RBM18: variants seen among roughly 807,000 people sequenced by gnomAD.
The protein encoded by RBM18 is probable RNA-binding protein 18.
Under a neutral mutation model 26.4 loss-of-function variants are expected in RBM18, and 18 were observed. The ratio of observed to expected loss-of-function variants is 0.68; its 90% CI spans 0.47 to 1.01. The LOEUF (loss-of-function observed/expected upper bound fraction) is 1.01. RBM18 is among the 50% of genes least tolerant of loss of function. The pLI, the probability that RBM18 is intolerant of heterozygous loss-of-function variation, is 0.00. For missense variants in RBM18, 180 were observed against 219.2 expected, an observed-to-expected ratio of 0.82 and a Z score of 1.13; for synonymous variants, 74 against 81.1, an observed-to-expected ratio of 0.91 and a Z score of 0.47.
rs188311781 is a variant in RBM18 at position 122,262,000 on chromosome 9, A to G, written c.-16-492T>C. ...GAGGCAATATAAGAAATCTGTGCGT[A>G]GACAGAACTGGGTTTGAAAGCAGGT... On this transcript the variant is annotated intron_variant, in intron 1 of 5. Coordinates refer to ENST00000417201, the MANE Select transcript of RBM18 (RefSeq NM_033117.4). Among the ~76,000 whole-genome samples, 11 of 152,202 alleles carry G rather than the reference A, an allele frequency of 7.2e-5. No individual in the cohort carries two copies. In the East Asian group the frequency reaches 2.1e-3, roughly 29 times the overall value.
intron 3 of RBM18, among the ~76,000 whole-genome samples, chr9:122,249,692 A>G (rs1221174115): frequency 1.3e-5 from 2 of 151,350 alleles, no homozygotes; most frequent in African/African-American, 2.4e-5. Context: ...CTGGATGACA[A>G]AGAGAGACCC....
chr9:122,246,957 G>A (rs890012430), intron 4 of RBM18, among the ~76,000 whole-genome samples: 8 of 152,020 alleles, frequency 5.3e-5, no homozygotes, highest in African/African-American at 1.9e-4. Context: ...TCTCCCAGGA[G>A]ACTAATTACA....
intron 5 of RBM18, chr9:122,243,947 A>G: frequency 2.5e-6 from 2 of 791,848 alleles, no homozygotes; most frequent in Non-Finnish European, 1.5e-6. Context: ...AACTAAAGAC[A>G]TGTTCATTGT....
Position 122,239,156 on chromosome 9 carries a change from GAGAC to G in RBM18, c.*2724_*2727del, listed in dbSNP as rs1331355436. The G allele has an allele frequency of 2.0e-5, 3 of 152,158 alleles. No individual in the cohort carries two copies. The highest frequency in any genetic ancestry group is 2.9e-5 in the Non-Finnish European group (2 of 68,028). 9.4% of individuals were successfully genotyped at this position (152,158 alleles called of 1,614,324 possible). A position where few individuals can be genotyped will look rare whatever the true frequency, so the allele number is the denominator to read the frequency against. On this transcript the variant is annotated 3_prime_UTR_variant, in exon 6 of 6. Coordinates refer to ENST00000417201, the MANE Select transcript of RBM18 (RefSeq NM_033117.4). ...AAACTGTGCATATCTTAATAAACAAGAGACAGAGCTGCAGAATACCTGGTTTCAT... is the reference window on the plus strand; with the variant it reads ...AAACTGTGCATATCTTAATAAACAAGAGAGCTGCAGAATACCTGGTTTCAT...
At position 122,239,470 on chromosome 9, in the gene RBM18, C is replaced by G. The variant is rs34994133; in HGVS notation, c.*2414G>C. On this transcript the variant is annotated 3_prime_UTR_variant, in exon 6 of 6. Coordinates refer to ENST00000417201, the MANE Select transcript of RBM18 (RefSeq NM_033117.4). ...ATTGAGATGAAGAAAATAGTTCATA[C>G]GTCTCTCCTCAGTATTTCCTTCAAT... The G allele has an allele frequency of 6.6e-6, 1 of 152,164 alleles. No individual in the cohort carries two copies. The highest frequency in any genetic ancestry group is 1.5e-5 in the Non-Finnish European group (1 of 68,020). 9.4% of individuals were successfully genotyped at this position (152,164 alleles called of 1,614,324 possible).
At chr9:122,252,091 C>A in intron 2 of RBM18, 118 bp from the exon 3 acceptor site, 2 of 1,310,898 alleles carry the variant, frequency 1.5e-6, no homozygotes, top group Middle Eastern at 2.2e-4. Flanking sequence ...TCGCCCCAGC[C>A]CCCTGCCTTC....
Position 122,241,892 on chromosome 9 carries a change from G to A in RBM18, c.565C>T (p.Arg189Ter), listed in dbSNP as rs754184979. The A allele has an allele frequency of 3.7e-6, 6 of 1,611,000 alleles. No individual in the cohort carries two copies. The highest frequency in any genetic ancestry group is 4.5e-5 in the East Asian group (2 of 44,868). Reference sequence around the variant, plus strand: ...ACAGTAATTCACAACCATCATCTTCGAGATTTCCATGCTGTTCTAGAATAT... The same window carrying A: ...ACAGTAATTCACAACCATCATCTTCAAGATTTCCATGCTGTTCTAGAATAT... ...TPYSRTAWKS[R>*]R The change falls in exon 6 of 6, where the codon CGA (arginine) becomes TGA (stop). Residue 189 changes from arginine to a stop codon, truncating the protein, a stop_gained. Coordinates refer to ENST00000417201, the MANE Select transcript of RBM18 (RefSeq NM_033117.4). LOFTEE classifies it high-confidence loss of function.
At chr9:122,245,748 T>A (rs1280406457) in intron 4 of RBM18, among the ~76,000 whole-genome samples, 2 of 151,764 alleles carry the variant, frequency 1.3e-5, no homozygotes, top group Non-Finnish European at 2.9e-5. Context: ...GAGGCCAAGG[T>A]GGGCAGATTG....
chr9:122,247,640 G>C (rs372801429), intron 3 of RBM18, 36 bp from the exon 4 acceptor site: 22 of 1,508,488 alleles, frequency 1.5e-5, no homozygotes, highest in Non-Finnish European at 2.0e-5. Context: ...GTTAAAAACT[G>C]AAATGCTTAA....
At chr9:122,245,116 G>A (rs958283553) in intron 5 of RBM18, 140 bp downstream of exon 5, 3 of 624,758 alleles carry the variant, frequency 4.8e-6, no homozygotes, top group Non-Finnish European at 8.6e-6. Flanking sequence ...ATACATTCTG[G>A]AGACTAACTG....
chr9:122,250,657 A>G (rs1036004567), intron 3 of RBM18, among the ~76,000 whole-genome samples: 1 of 152,172 alleles, frequency 6.6e-6, no homozygotes, highest in African/African-American at 2.4e-5. Context: ...TGGTAGAAAA[A>G]TTTTAGTATA....
At chr9:122,260,512 T>G (rs1831773792) in intron 2 of RBM18, among the ~76,000 whole-genome samples, 1 of 152,212 alleles carries the variant, frequency 6.6e-6, no homozygotes, top group Non-Finnish European at 1.5e-5. Flanking sequence ...AAATTCCTTT[T>G]CATCTTAATG....
intron 2 of RBM18, among the ~76,000 whole-genome samples, chr9:122,259,141 GA>G (rs759169748): frequency 6.6e-6 from 1 of 151,936 alleles, no homozygotes; most frequent in Non-Finnish European, 1.5e-5. Context: ...TGTTCTAATT[GA>G]AAAAAACATC....
intron 1 of RBM18, among the ~76,000 whole-genome samples, chr9:122,261,980 A>C (rs762752904): frequency 3.9e-5 from 6 of 152,062 alleles, no homozygotes; most frequent in Non-Finnish European, 7.4e-5. Flanking sequence ...GAGAAGAGGC[A>C]ATATAAGAAA....
rs557417237 is a variant in RBM18, at chr9:122,239,615, C to T, written c.*2269G>A. 1 of 152,300 alleles carries T rather than the reference C, an allele frequency of 6.6e-6. No homozygotes were observed. The highest frequency in any genetic ancestry group is 2.4e-5 in the African/African-American group (1 of 41,550). The allele number at this position is 152,300 out of a possible 1,614,324, so 9.4% of individuals were successfully genotyped here. A position where few individuals can be genotyped will look rare whatever the true frequency, so the allele number is the denominator to read the frequency against. On this transcript the variant is annotated 3_prime_UTR_variant, in exon 6 of 6. Transcript: ENST00000417201. The stretch of plus-strand genomic sequence containing the variant: ...AGACAACCTCCTAACAAAGAGTTGA[C>T]CAAGTTAACACCTGAAATTTAAAAA...
At position 122,248,935 on chromosome 9, in the gene RBM18, A is replaced by T. The variant is rs183923694; in HGVS notation, c.241-1331T>A. On this transcript the variant is annotated intron_variant, in intron 3 of 5. Transcript: ENST00000417201. ...AATATTTACTGAGTTCTCACTGTGTAGTAGGCATTGGATATTCACTAATCA... is the reference window on the plus strand; with the variant it reads ...AATATTTACTGAGTTCTCACTGTGTTGTAGGCATTGGATATTCACTAATCA... 2.8e-3 allele frequency among the ~76,000 whole-genome samples: 426 copies of T among 152,336 alleles called. 10 individuals carry two copies. The highest frequency in any genetic ancestry group is 7.5e-4 in the Non-Finnish European group (51 of 68,030).
At chr9:122,252,898 G>A (rs1831626490) in intron 2 of RBM18, among the ~76,000 whole-genome samples, 1 of 152,202 alleles carries the variant, frequency 6.6e-6, no homozygotes, top group Non-Finnish European at 1.5e-5. Flanking sequence ...TCAAACAGAT[G>A]TGGCCTTAAC....
rs188375101 is a variant in RBM18, at chr9:122,237,996, T to C, written c.*3888A>G. 6.6e-6 allele frequency: 1 copy of C among 152,230 alleles called. No individual in the cohort carries two copies. Among genetic ancestry groups the C allele is most frequent in the African/African-American group, 2.4e-5 (1 of 41,462 alleles). 9.4% of individuals were successfully genotyped at this position (152,230 alleles called of 1,614,324 possible). ...AAAATCATTCTTAACTTGTAGGCTA[T>C]ACAAAATTAGGAGGCAGAGGCCAGT... On this transcript the variant is annotated 3_prime_UTR_variant, in exon 6 of 6. Transcript: ENST00000417201.
At chr9:122,244,824 G>C (rs1395441890) in intron 5 of RBM18, among the ~76,000 whole-genome samples, 4 of 152,148 alleles carry the variant, frequency 2.6e-5, no homozygotes, top group Admixed American at 2.0e-4. Context: ...AACCAAAACT[G>C]TTATGGCTGT....
Sources: allele counts gnomAD v4.1 joint callset (sites outside exome capture counted in the v4.1 genomes callset), GRCh38; gene constraint gnomAD v4.1.1; transcripts MANE v1.5; gene names NCBI Gene and HGNC (gene_info 2026-07-23, HGNC 2026-07-21).